EML6: variants seen among roughly 807,000 people sequenced by gnomAD.
EML6 encodes EMAP like 6.
A neutral mutation model predicts 240.1 loss-of-function variants in EML6; 154 were observed. The observed-to-expected ratio is 0.64, with a 90% CI of 0.56 to 0.73. EML6 has a LOEUF of 0.73. Ranked by LOEUF, EML6 falls within the 30% of genes least tolerant of loss-of-function variation. EML6 has a pLI of 0.00. For synonymous variants in EML6, 1,148 were observed against 899.0 expected, an observed-to-expected ratio of 1.28 and a Z score of -4.95; for missense variants, 2,964 against 2,474.6, an observed-to-expected ratio of 1.20 and a Z score of -4.20.
chr2:54,968,111 T>G lies in EML6; in HGVS notation c.5598-17T>G. 6.5e-7 allele frequency: 1 copy of G among 1,549,810 alleles called. No homozygotes were observed. Among genetic ancestry groups the G allele is most frequent in the Non-Finnish European group, 8.7e-7 (1 of 1,146,846 alleles). ...CGTGACTTCCTTCTATCCTAACCCC[T>G]CTTTCTGTTGGAACAGCGTCCTGGG... On this transcript the variant is annotated splice_polypyrimidine_tract_variant and intron_variant, in intron 39 of 41. Transcript: ENST00000356458.
At chr2:54,787,819 G>A (rs1240438111) in intron 2 of EML6, among the ~76,000 whole-genome samples, 1 of 152,142 alleles carries the variant, frequency 6.6e-6, no homozygotes, top group Non-Finnish European at 1.5e-5. Context: ...AGTGTCCATT[G>A]TCATAAATTT....
At chr2:54,856,257 G>A (rs1018855118) in intron 11 of EML6, among the ~76,000 whole-genome samples, 8 of 152,078 alleles carry the variant, frequency 5.3e-5, no homozygotes, top group East Asian at 1.9e-4. Flanking sequence ...TTTGACCATC[G>A]CCACACAGAC....
chr2:54,961,203 T>G (rs956173288), intron 35 of EML6, among the ~76,000 whole-genome samples: 8 of 141,262 alleles, frequency 5.7e-5, no homozygotes, highest in African/African-American at 2.1e-4. Flanking sequence ...TTTTTTTTTT[T>G]GAGACGGAGT....
intron 2 of EML6, among the ~76,000 whole-genome samples, chr2:54,788,755 A>T (rs536294689): frequency 4.0e-4 from 61 of 152,328 alleles, no homozygotes; most frequent in Middle Eastern, 6.8e-3. Context: ...TTTTTGAAAA[A>T]TAGGGCCAAA....
In EML6 at chr2:54,724,418, GAGAA is replaced by G. The variant is rs1414050614; in HGVS notation, c.-513-128_-513-125del. 6 of 152,194 alleles carry G rather than the reference GAGAA, an allele frequency of 3.9e-5. No homozygotes were observed. The highest frequency in any genetic ancestry group is 7.2e-5 in the African/African-American group (3 of 41,446). The allele number at this position is 152,194 out of a possible 1,614,324, so 9.4% of individuals were successfully genotyped here. On this transcript the variant is annotated intron_variant, in intron 1 of 41. Coordinates refer to ENST00000356458, the MANE Select transcript of EML6 (RefSeq NM_001039753.4). The surrounding 1 kb of genome is among the most constrained non-coding windows in gnomAD (Gnocchi z 5.2). ...ATCATTAAGGAGATGGAACTGGAGA[GAGAA>G]AGCGGGAGTAGGGGACAATTTTTAA...
At chr2:54,965,215 C>T (rs983409445) in intron 38 of EML6, among the ~76,000 whole-genome samples, 2 of 152,154 alleles carry the variant, frequency 1.3e-5, no homozygotes, top group Admixed American at 6.5e-5. Context: ...GAGAGGGTTC[C>T]ACTGCTGGGA....
intron 10 of EML6, among the ~76,000 whole-genome samples, chr2:54,851,059 G>T (rs1670055325): frequency 6.6e-6 from 1 of 152,146 alleles, no homozygotes; most frequent in Non-Finnish European, 1.5e-5. Context: ...GCATGGGAAT[G>T]ATACCTCATT....
At position 54,967,027 on chromosome 2, in the gene EML6, G is replaced by A. The variant is rs1226485738; in HGVS notation, c.5521G>A (p.Val1841Met). 1 of 1,551,422 alleles carries A rather than the reference G, an allele frequency of 6.4e-7. No homozygotes were observed. Among genetic ancestry groups the A allele is most frequent in the Admixed American group, 2.0e-5 (1 of 51,002 alleles). ...QVSTGAYKRQ[V>M]HEVPLGKQVT... Reference sequence around the variant, plus strand: ...GTCAACAGGTGCCTATAAGCGCCAGGTGCATGAGGTCCCCCTGGGGAAGCA... The same window carrying A: ...GTCAACAGGTGCCTATAAGCGCCAGATGCATGAGGTCCCCCTGGGGAAGCA... The change falls in exon 39 of 42, where the codon GTG (valine) becomes ATG (methionine). Residue 1841 changes from valine (V) to methionine (M), a missense_variant. Val to Met is a conservative substitution (Grantham distance 21, BLOSUM62 1). Transcript: ENST00000356458.
intron 21 of EML6, among the ~76,000 whole-genome samples, chr2:54,898,660 T>C (rs1031784759): frequency 2.2e-4 from 34 of 152,232 alleles, no homozygotes; most frequent in African/African-American, 7.7e-4. Flanking sequence ...AATTTCTCTT[T>C]GGAAAGCCAC....
intron 2 of EML6, among the ~76,000 whole-genome samples, chr2:54,730,179 T>A (rs576889056): frequency 1.3e-3 from 202 of 152,032 alleles, no homozygotes; most frequent in Non-Finnish European, 2.6e-3. Context: ...AAGAGAAATA[T>A]CCACAGCTTT....
At chr2:54,729,188 A>G (rs1169608164) in intron 2 of EML6, among the ~76,000 whole-genome samples, 1 of 152,220 alleles carries the variant, frequency 6.6e-6, no homozygotes, top group African/African-American at 2.4e-5. Context: ...GCCAGTGGTA[A>G]GTGTGCAGCA....
intron 22 of EML6, among the ~76,000 whole-genome samples, 177 bp from the exon 23 acceptor site, chr2:54,902,867 G>A (rs934851425): frequency 6.6e-6 from 1 of 152,184 alleles, no homozygotes. Flanking sequence ...GAGCTGCTGC[G>A]CCCAGACAAG....
chr2:54,754,836 T>A (rs917081307), intron 2 of EML6, among the ~76,000 whole-genome samples: 9 of 152,212 alleles, frequency 5.9e-5, no homozygotes, highest in African/African-American at 2.2e-4. Context: ...TGCAGAAATG[T>A]TCTATGTTTG....
At chr2:54,908,834 T>C (rs1673485029) in intron 24 of EML6, among the ~76,000 whole-genome samples, 1 of 152,106 alleles carries the variant, frequency 6.6e-6, no homozygotes, top group Non-Finnish European at 1.5e-5. Context: ...CCCAGCCCAG[T>C]GTGAGCCTGG....
Position 54,869,190 on chromosome 2 carries a change from C to T in EML6, c.2061C>T (p.Gly687=). ...TGGACCTGTGCTTCAGTTATAGAGG[C>T]TACGACTGTAGAAACAATCTGTTCT... The part of the protein sequence containing the change: ...LKLQFIHGYR[G]YDCRNNLFYT... Residue 687 remains glycine, a synonymous_variant, in exon 15 of 42, where the codon GGC becomes GGT. Coordinates refer to ENST00000356458, the MANE Select transcript of EML6 (RefSeq NM_001039753.4). The T allele has an allele frequency of 6.5e-7, 1 of 1,550,336 alleles. No homozygotes were observed. The highest frequency in any genetic ancestry group is 8.7e-7 in the Non-Finnish European group (1 of 1,146,048).
rs572268080 is a variant in EML6 at position 54,933,976 on chromosome 2, A to T, written c.4004+5225A>T. On this transcript the variant is annotated intron_variant, in intron 28 of 41. Transcript: ENST00000356458. ...GTGGTAAAGAGAGGACAGAATGAAGATAATTTTTTTGAATCACCACTTTGA... is the reference window on the plus strand; with the variant it reads ...GTGGTAAAGAGAGGACAGAATGAAGTTAATTTTTTTGAATCACCACTTTGA... 7.2e-5 allele frequency among the ~76,000 whole-genome samples: 11 copies of T among 152,272 alleles called. No individual in the cohort carries two copies. In the East Asian group the frequency reaches 1.9e-3, roughly 27 times the overall value.
intron 5 of EML6, among the ~76,000 whole-genome samples, chr2:54,823,855 T>TCTCTCTCTCTCTCTCC (rs1668447408): frequency 6.9e-6 from 1 of 145,664 alleles, no homozygotes; most frequent in Non-Finnish European, 1.5e-5. Context: ...ATTCATTCTC[T>TCTCTCTCTCTCTCTCC]CTCTCTCTCT....
intron 2 of EML6, among the ~76,000 whole-genome samples, chr2:54,731,917 C>G (rs1683190020): frequency 6.6e-6 from 1 of 152,174 alleles, no homozygotes; most frequent in South Asian, 2.1e-4. Context: ...ATTTTAGCAT[C>G]CCACCAGCAA....
chr2:54,864,063 A>G (rs529970052), intron 13 of EML6, among the ~76,000 whole-genome samples, 174 bp downstream of exon 13: 76 of 152,344 alleles, frequency 5.0e-4, no homozygotes, highest in South Asian at 4.1e-4. Context: ...TGTTTACCCA[A>G]TCATACCATT....
Sources: allele counts gnomAD v4.1 joint callset (sites outside exome capture counted in the v4.1 genomes callset), GRCh38; gene constraint gnomAD v4.1.1; non-coding constraint Gnocchi (gnomAD v3.1); transcripts MANE v1.5; gene names NCBI Gene and HGNC (gene_info 2026-07-23, HGNC 2026-07-21).